NR1H4: variants seen among roughly 807,000 people sequenced by gnomAD.
The protein encoded by NR1H4 is bile acid receptor.
Under a neutral mutation model 58.5 loss-of-function variants are expected in NR1H4, and 23 were observed. That is an observed-to-expected ratio of 0.39 (90% CI 0.28 to 0.56). The LOEUF (loss-of-function observed/expected upper bound fraction) is 0.56, where lower values mean the gene tolerates loss of function less well. Among genes scored for constraint, NR1H4 ranks in the 20% least tolerant of loss-of-function variants. The probability of loss-of-function intolerance (pLI) is 0.58; values close to 1 mark genes in which losing one functional copy is unlikely to be tolerated. For synonymous variants in NR1H4, 214 were observed against 198.0 expected, an observed-to-expected ratio of 1.08 and a Z score of -0.68; for missense variants, 487 against 576.9, an observed-to-expected ratio of 0.84 and a Z score of 1.60.
intron 1 of NR1H4, among the ~76,000 whole-genome samples, chr12:100,484,392 A>G (rs192492450): frequency 6.6e-6 from 1 of 152,352 alleles, no homozygotes; most frequent in East Asian, 1.9e-4. Flanking sequence ...CTAAATAAGT[A>G]AATATTGATA....
Position 100,492,644 on chromosome 12 carries a change from T to G in NR1H4, c.-55+7T>G, listed in dbSNP as rs1042312047. The stretch of plus-strand genomic sequence containing the variant: ...TGAAACTTCAGACACTTTGGTGAGA[T>G]TTACCATTATTTTTCTTCTTACTAT... On this transcript the variant is annotated splice_region_variant and intron_variant, in intron 2 of 10. Transcript: ENST00000392986. 6.6e-6 allele frequency: 1 copy of G among 152,176 alleles called. No homozygotes were observed. Among genetic ancestry groups the G allele is most frequent in the African/African-American group, 2.4e-5 (1 of 41,446 alleles). The allele number at this position is 152,176 out of a possible 1,614,324, so 9.4% of individuals were successfully genotyped here.
Position 100,510,790 on chromosome 12 carries a change from A to C in NR1H4, c.92A>C (p.Glu31Ala). The C allele has an allele frequency of 6.2e-7, 1 of 1,613,986 alleles. No homozygotes were observed. The highest frequency in any genetic ancestry group is 8.5e-7 in the Non-Finnish European group (1 of 1,179,954). Residue 31 changes from glutamate (E) to alanine (A), a missense_variant, in exon 4 of 11, where the codon GAA becomes GCA. Physicochemically the swap from Glu to Ala is moderately radical, Grantham distance 107 (BLOSUM62 -1). Transcript: ENST00000392986. ...CACTTTTGTTCAGGTGTTTTAACAG[A>C]ACAAGTGGCAGGTCCTCTGGGACAG... ...FSENLFGVLTEQVAGPLGQNL... is the reference protein window; with the variant it reads ...FSENLFGVLTAQVAGPLGQNL...
chr12:100,561,501 A>G (rs1269052538), intron 9 of NR1H4, among the ~76,000 whole-genome samples: 1 of 152,222 alleles, frequency 6.6e-6, no homozygotes, highest in African/African-American at 2.4e-5. Context: ...TTAGTTGTTT[A>G]AGATGTGATC....
At chr12:100,516,645 C>T (rs916898516) in intron 4 of NR1H4, among the ~76,000 whole-genome samples, 1 of 152,028 alleles carries the variant, frequency 6.6e-6, no homozygotes, top group African/African-American at 2.4e-5. Flanking sequence ...GGATTACAGG[C>T]GTGAGCCACC....
At chr12:100,537,972 A>G (rs1954851574) in intron 8 of NR1H4, among the ~76,000 whole-genome samples, 1 of 152,206 alleles carries the variant, frequency 6.6e-6, no homozygotes, top group African/African-American at 2.4e-5. Flanking sequence ...ACTTGGCCAA[A>G]GTGCTGGGAT....
chr12:100,474,074 C>T lies in NR1H4; in HGVS notation c.-190+15C>T, dbSNP rs1463957739. 6.6e-6 allele frequency: 1 copy of T among 152,126 alleles called. No individual in the cohort carries two copies. The highest frequency in any genetic ancestry group is 2.4e-5 in the African/African-American group (1 of 41,428). 9.4% of individuals were successfully genotyped at this position (152,126 alleles called of 1,614,324 possible). A position where few individuals can be genotyped will look rare whatever the true frequency, so the allele number is the denominator to read the frequency against. On this transcript the variant is annotated intron_variant, in intron 1 of 10. Coordinates refer to ENST00000392986, the MANE Select transcript of NR1H4 (RefSeq NM_001206979.2). Reference sequence around the variant, plus strand: ...AAACAATCCAAGTAAGTACCTAATTCCTTTGGGAGTGGGTTGTGTATCTCA... The same window carrying T: ...AAACAATCCAAGTAAGTACCTAATTTCTTTGGGAGTGGGTTGTGTATCTCA...
chr12:100,485,618 C>T (rs773649299), intron 1 of NR1H4, among the ~76,000 whole-genome samples: 20 of 151,912 alleles, frequency 1.3e-4, no homozygotes, highest in Admixed American at 1.2e-3. Flanking sequence ...CTGCAACCTC[C>T]ACTTCCTGGG....
intron 9 of NR1H4, among the ~76,000 whole-genome samples, chr12:100,553,719 C>T (rs1292944857): frequency 2.0e-5 from 3 of 152,186 alleles, no homozygotes; most frequent in Non-Finnish European, 4.4e-5. Context: ...AACACAGATC[C>T]ATCTCATCTT....
intron 4 of NR1H4, among the ~76,000 whole-genome samples, chr12:100,530,390 G>C (rs773764801): frequency 3.9e-5 from 6 of 152,154 alleles, no homozygotes; most frequent in Non-Finnish European, 7.3e-5. Context: ...ATCAGTAAAT[G>C]GAGGTAAAGT....
intron 1 of NR1H4, among the ~76,000 whole-genome samples, chr12:100,487,395 G>A (rs12312227): frequency 0.031 from 4,768 of 152,084 alleles, 228 homozygotes; most frequent in African/African-American, 0.1. Flanking sequence ...TAAAGTTGGG[G>A]TTTTATTAAG....
intron 8 of NR1H4, among the ~76,000 whole-genome samples, chr12:100,539,370 T>C (rs1334241908): frequency 6.6e-6 from 1 of 152,292 alleles, no homozygotes; most frequent in East Asian, 1.9e-4. Flanking sequence ...CCATTCAGTA[T>C]TCATTGAGCA....
At chr12:100,532,646 C>A in intron 5 of NR1H4, 36 bp downstream of exon 5, 1 of 1,599,018 alleles carries the variant, frequency 6.3e-7, no homozygotes, top group Non-Finnish European at 8.6e-7. Flanking sequence ...CACTAAAAAT[C>A]TCTTAAGGAG....
At chr12:100,556,554 T>C (rs1029912804) in intron 9 of NR1H4, among the ~76,000 whole-genome samples, 2 of 152,200 alleles carry the variant, frequency 1.3e-5, no homozygotes, top group African/African-American at 4.8e-5. Flanking sequence ...TACCCATTAT[T>C]TCATCTAAAT....
chr12:100,489,195 G>A (rs1480158937), intron 1 of NR1H4, among the ~76,000 whole-genome samples: 7 of 152,208 alleles, frequency 4.6e-5, no homozygotes, highest in Admixed American at 4.6e-4. Flanking sequence ...TGACTATTAT[G>A]AGATGTATTT....
intron 2 of NR1H4, among the ~76,000 whole-genome samples, chr12:100,493,023 C>A (rs1286411726): frequency 6.6e-6 from 1 of 151,836 alleles, no homozygotes; most frequent in African/African-American, 2.4e-5. Flanking sequence ...TGAATGAAAA[C>A]ATACGGTGTT....
chr12:100,545,527 AGCTAGTTGAGAG>A lies in NR1H4; in HGVS notation c.1078+4713_1078+4724del, dbSNP rs559580976. 8.1e-3 allele frequency among the ~76,000 whole-genome samples: 1,230 copies of A among 150,958 alleles called. 13 individuals carry two copies. Among genetic ancestry groups the A allele is most frequent in the Middle Eastern group, 0.021 (6 of 292 alleles). On this transcript the variant is annotated intron_variant, in intron 9 of 10. Coordinates refer to ENST00000392986, the MANE Select transcript of NR1H4 (RefSeq NM_001206979.2). ...CATGGTGGCATGAGTCTGTAATCTC[AGCTAGTTGAGAG>A]GCTGAGGTGGGAGGGTCTCTAGAGC...
intron 1 of NR1H4, among the ~76,000 whole-genome samples, chr12:100,474,938 C>A (rs1163683671): frequency 3.3e-5 from 5 of 151,966 alleles, no homozygotes; most frequent in Non-Finnish European, 7.4e-5. Flanking sequence ...GGGGTAGGAA[C>A]CCTTAGAAAT....
intron 9 of NR1H4, among the ~76,000 whole-genome samples, chr12:100,550,887 T>A (rs1195100223): frequency 6.6e-6 from 1 of 152,226 alleles, no homozygotes; most frequent in African/African-American, 2.4e-5. Context: ...ACATGCATTA[T>A]CCTGTTAGTG....
chr12:100,486,678 A>G (rs1024822224), intron 1 of NR1H4, among the ~76,000 whole-genome samples: 1 of 152,212 alleles, frequency 6.6e-6, no homozygotes, highest in Non-Finnish European at 1.5e-5. Context: ...GAAATGTTGA[A>G]AGAGAATGAT....
Sources: allele counts gnomAD v4.1 joint callset (sites outside exome capture counted in the v4.1 genomes callset), GRCh38; gene constraint gnomAD v4.1.1; transcripts MANE v1.5; gene names NCBI Gene and HGNC (gene_info 2026-07-23, HGNC 2026-07-21).